The following FOXP1 variants were observed in gnomAD, a reference collection of about 807,000 sequenced individuals.
The protein encoded by FOXP1 is forkhead box P1.
In FOXP1, 15 loss-of-function variants were observed where a neutral mutation model predicts 98.2. That is an observed-to-expected ratio of 0.15 (90% CI 0.10 to 0.24). FOXP1 has a LOEUF of 0.24. Among genes scored for constraint, FOXP1 ranks in the 10% least tolerant of loss-of-function variants. The probability of loss-of-function intolerance (pLI) is 1.00; values close to 1 mark genes in which losing one functional copy is unlikely to be tolerated. For synonymous variants in FOXP1, 371 were observed against 314.5 expected, an observed-to-expected ratio of 1.18 and a Z score of -1.90; for missense variants, 633 against 848.5, an observed-to-expected ratio of 0.75 and a Z score of 3.15.
At chr3:71,009,959 T>C (rs1210668278) in intron 12 of FOXP1, among the ~76,000 whole-genome samples, 1 of 151,258 alleles carries the variant, frequency 6.6e-6, no homozygotes, top group African/African-American at 2.4e-5. Flanking sequence ...TCTTGCTATG[T>C]TGACCTGGCT....
intron 2 of FOXP1, among the ~76,000 whole-genome samples, chr3:71,506,092 CAA>C (rs2041805275): frequency 6.6e-6 from 1 of 152,152 alleles, no homozygotes; most frequent in South Asian, 2.1e-4. Flanking sequence ...ATTCTACAGA[CAA>C]TAATTGCTGC....
intron 3 of FOXP1, among the ~76,000 whole-genome samples, chr3:71,359,580 G>A (rs143387080): frequency 0.012 from 1,867 of 152,140 alleles, 41 homozygotes; most frequent in African/African-American, 0.043. Flanking sequence ...ACAGGGTCTC[G>A]CTCTGCCACT....
At position 71,373,637 on chromosome 3, in the gene FOXP1, T is replaced by C. The variant is rs115979383; in HGVS notation, c.-167-14393A>G. On this transcript the variant is annotated intron_variant, in intron 3 of 20. Transcript: ENST00000649528. ...TGCCAGTCCTGGTTTGGACATTAAT[T>C]TACTTCTTGTGTGGCTTTGGAAAAG... 7.0e-3 allele frequency among the ~76,000 whole-genome samples: 1,073 copies of C among 152,320 alleles called. 19 individuals are homozygous for C. The highest frequency in any genetic ancestry group is 0.024 in the African/African-American group (1,018 of 41,562).
At chr3:71,016,306 C>T (rs904947273) in intron 11 of FOXP1, among the ~76,000 whole-genome samples, 1 of 152,082 alleles carries the variant, frequency 6.6e-6, no homozygotes, top group African/African-American at 2.4e-5. Context: ...GTTAATCCTC[C>T]AGTGGGGTTC....
In FOXP1 at chr3:71,000,674, A is replaced by T. The variant is rs146599483; in HGVS notation, c.1062+298T>A. ...AGAAGAGAGGGAAAGTGAGAGAGAG[A>T]TGGAAACATTCAAAGTGGCCGCTGA... On this transcript the variant is annotated intron_variant, in intron 13 of 20. Coordinates refer to ENST00000649528, the MANE Select transcript of FOXP1 (RefSeq NM_001349338.3). Among the ~76,000 whole-genome samples the T allele has an allele frequency of 6.9e-3, 1,056 of 152,126 alleles. 17 individuals carry two copies. Among genetic ancestry groups the T allele is most frequent in the African/African-American group, 0.024 (1,000 of 41,472 alleles).
chr3:71,193,972 T>G (rs2063154459), intron 6 of FOXP1, among the ~76,000 whole-genome samples: 1 of 152,210 alleles, frequency 6.6e-6, no homozygotes, highest in South Asian at 2.1e-4. Context: ...TTTTCTCTCC[T>G]TCTTTTACAT....
chr3:71,215,394 C>A (rs757681247), intron 5 of FOXP1, among the ~76,000 whole-genome samples: 27 of 152,142 alleles, frequency 1.8e-4, no homozygotes, highest in Non-Finnish European at 3.2e-4. Context: ...ATCAAGAAGA[C>A]ACAGATTAAT....
intron 2 of FOXP1, among the ~76,000 whole-genome samples, chr3:71,544,188 G>T (rs1261310415): frequency 1.3e-5 from 2 of 151,464 alleles, no homozygotes; most frequent in East Asian, 3.9e-4. Context: ...GTACTTAAAA[G>T]ATATAAATAA....
At chr3:70,967,222 A>G (rs796280355) in intron 19 of FOXP1, among the ~76,000 whole-genome samples, 31 of 152,312 alleles carry the variant, frequency 2.0e-4, no homozygotes, top group African/African-American at 7.5e-4. Flanking sequence ...TGGCTCTAGA[A>G]AGAAAGTAAA....
intron 10 of FOXP1, among the ~76,000 whole-genome samples, chr3:71,046,451 T>C (rs940323668): frequency 6.6e-6 from 1 of 152,208 alleles, no homozygotes. Flanking sequence ...TTCCTTTTTA[T>C]AAGAGAAAGT....
chr3:71,486,138 C>T (rs1030783146), intron 3 of FOXP1, among the ~76,000 whole-genome samples: 1 of 152,116 alleles, frequency 6.6e-6, no homozygotes, highest in African/African-American at 2.4e-5. Context: ...ACCCACTTCT[C>T]ACTCTTGCTA....
intron 6 of FOXP1, among the ~76,000 whole-genome samples, chr3:71,196,843 G>C (rs1236859021): frequency 1.3e-5 from 2 of 152,210 alleles, no homozygotes; most frequent in African/African-American, 4.8e-5. Flanking sequence ...CAGTGGTGCA[G>C]GCACAAATGG....
At chr3:71,577,164 T>C (rs75576237) in intron 2 of FOXP1, among the ~76,000 whole-genome samples, 1 of 152,198 alleles carries the variant, frequency 6.6e-6, no homozygotes, top group Non-Finnish European at 1.5e-5. Context: ...CTGACTGTAA[T>C]TAATAAGAAT....
chr3:70,983,714 C>T (rs17008103), intron 14 of FOXP1, among the ~76,000 whole-genome samples: 1,533 of 152,284 alleles, frequency 0.01, 28 homozygotes, highest in African/African-American at 0.035. Flanking sequence ...TAAAGCAAAG[C>T]GTTCTTCTCA....
chr3:71,565,930 T>C lies in FOXP1; in HGVS notation c.-298+15619A>G, dbSNP rs188046340. ...ATAAAGGAGTACATGAGAGAAGAGG[T>C]GAACAAATGAGATATAAATAAATCA... On this transcript the variant is annotated intron_variant, in intron 2 of 20. Transcript: ENST00000649528. 1.5e-3 allele frequency among the ~76,000 whole-genome samples: 234 copies of C among 151,778 alleles called. 1 individual carries two copies. The highest frequency in any genetic ancestry group is 0.014 in the Middle Eastern group (4 of 292).
At chr3:71,447,676 A>G (rs1026354181) in intron 3 of FOXP1, among the ~76,000 whole-genome samples, 1 of 152,210 alleles carries the variant, frequency 6.6e-6, no homozygotes, top group African/African-American at 2.4e-5. Context: ...AGCGTGCCCT[A>G]CCTGTTCAGA....
chr3:71,014,637 AC>A (rs1440044986), intron 12 of FOXP1, among the ~76,000 whole-genome samples: 2 of 152,222 alleles, frequency 1.3e-5, no homozygotes, highest in African/African-American at 4.8e-5. Context: ...CCATCCCATT[AC>A]TGGGTATATA....
intron 6 of FOXP1, among the ~76,000 whole-genome samples, chr3:71,129,413 G>A (rs1353914550): frequency 1.3e-5 from 2 of 152,004 alleles, no homozygotes. Flanking sequence ...TGAGAGGTTT[G>A]GACAACCCCA....
intron 4 of FOXP1, chr3:71,306,117 A>G (rs1043141118): frequency 1.3e-5 from 2 of 152,042 alleles, no homozygotes; most frequent in African/African-American, 4.8e-5. Flanking sequence ...AAACACAAAC[A>G]CTCAGCAAAT....
Sources: gnomAD v4.1 joint callset for allele counts (sites outside exome capture counted in the v4.1 genomes callset) on GRCh38, gnomAD v4.1.1 for gene constraint, MANE v1.5 for transcripts, NCBI Gene and HGNC (gene_info 2026-07-23, HGNC 2026-07-21) for gene names.